ZNF362: variants seen among roughly 807,000 people sequenced by gnomAD.
ZNF362 encodes zinc finger protein 362.
ZNF362 carries 11 observed loss-of-function variants against 42.9 expected under a neutral mutation model. That is an observed-to-expected ratio of 0.26 (90% confidence interval 0.16 to 0.42). The LOEUF is 0.42. Ranked by LOEUF, ZNF362 falls within the 20% of genes least tolerant of loss-of-function variation. The pLI, the probability that ZNF362 is intolerant of heterozygous loss-of-function variation, is 1.00. For synonymous variants in ZNF362, 255 were observed against 257.3 expected (o/e 0.99, Z 0.09); for missense variants, 362 against 576.2 (o/e 0.63, Z 3.81).
At chr1:33,176,304 C>T in the ZNF362 span, 29 of 587,712 alleles carry the variant, frequency 4.9e-5, no homozygotes, top group Non-Finnish European at 8.0e-5. Context: ...GGGTGTCACC[C>T]CCTCTCCTGG....
chr1:33,214,353 G>A, the ZNF362 span, among the ~76,000 whole-genome samples: 15 of 152,152 alleles, frequency 9.9e-5, no homozygotes, highest in African/African-American at 3.6e-4. Context: ...AGTAAGAATG[G>A]ATTAAAGACT....
chr1:33,253,437 G>T (rs1373422131), upstream of ZNF362, among the ~76,000 whole-genome samples: 1 of 151,394 alleles, frequency 6.6e-6, no homozygotes, highest in Non-Finnish European at 1.5e-5. Flanking sequence ...AGGCGAAAGG[G>T]CAAGGGAGGG....
At chr1:33,228,081 G>A in the ZNF362 span, among the ~76,000 whole-genome samples, 46 of 152,140 alleles carry the variant, frequency 3.0e-4, no homozygotes, top group South Asian at 2.1e-3. Context: ...CTTTTGCCCA[G>A]CCCTCTCTTC....
chr1:33,162,365 A>G, the ZNF362 span, among the ~76,000 whole-genome samples: 1 of 152,226 alleles, frequency 6.6e-6, no homozygotes, highest in Admixed American at 6.5e-5. Context: ...CCTAGCTTGA[A>G]AGTGACCTCT....
chr1:33,263,889 G>C (rs1439587857), intron 1 of ZNF362, among the ~76,000 whole-genome samples: 1 of 152,176 alleles, frequency 6.6e-6, no homozygotes, highest in African/African-American at 2.4e-5. Flanking sequence ...TGAGTCTGGT[G>C]GGGCCTGTAG....
At chr1:33,147,666 G>A in the ZNF362 span, 6 of 1,613,794 alleles carry the variant, frequency 3.7e-6, no homozygotes, top group South Asian at 5.5e-5. This position sits in a 1 kb window ranked among gnomAD's most constrained non-coding sequence, Gnocchi z 8.1. Context: ...CAATGGTGCA[G>A]TCGTCCGACA....
chr1:33,200,886 T>G, the ZNF362 span, among the ~76,000 whole-genome samples: 1 of 152,178 alleles, frequency 6.6e-6, no homozygotes, highest in African/African-American at 2.4e-5. Flanking sequence ...CCTAATCTAC[T>G]ATGACTGGTG....
the ZNF362 span, among the ~76,000 whole-genome samples, chr1:33,132,044 G>A: frequency 6.6e-6 from 1 of 152,198 alleles, no homozygotes; most frequent in Non-Finnish European, 1.5e-5. Flanking sequence ...AGGCATTAAT[G>A]TGACCGGGCT....
the ZNF362 span, among the ~76,000 whole-genome samples, chr1:33,182,990 A>C: frequency 6.6e-6 from 1 of 152,178 alleles, no homozygotes; most frequent in African/African-American, 2.4e-5. Context: ...GAGCTTTTCC[A>C]ATGTGTCTGC....
chr1:33,174,945 G>GTATATATATATATATA, the ZNF362 span, among the ~76,000 whole-genome samples: 9 of 141,752 alleles, frequency 6.3e-5, no homozygotes, highest in East Asian at 1.7e-3. Context: ...ATATATGTGT[G>GTATATATATATATATA]TATATATATA....
the ZNF362 span, among the ~76,000 whole-genome samples, chr1:33,187,597 G>T: frequency 2.6e-5 from 4 of 152,132 alleles, no homozygotes; most frequent in South Asian, 4.2e-4. Context: ...CCCCTCACCT[G>T]GTCCAGCAGG....
the ZNF362 span, among the ~76,000 whole-genome samples, chr1:33,243,155 T>TATGTC: frequency 3.2e-3 from 487 of 151,632 alleles, 5 homozygotes; most frequent in African/African-American, 0.01. Context: ...TATGTTATGT[T>TATGTC]ATGTTGTTAT....
At chr1:33,228,304 G>A in the ZNF362 span, among the ~76,000 whole-genome samples, 1 of 152,034 alleles carries the variant, frequency 6.6e-6, no homozygotes, top group African/African-American at 2.4e-5. Flanking sequence ...CCCTTGCTAT[G>A]CTCACTCCTA....
In ZNF362 at chr1:33,288,297, A is replaced by C. The variant is rs957237161; in HGVS notation, c.908+6486A>C. On this transcript the variant is annotated intron_variant, in intron 6 of 8. Coordinates refer to ENST00000539719, the MANE Select transcript of ZNF362 (RefSeq NM_152493.3). ...AGGAAGGGCTGGGGCATCAGGCTGCAGAAGAAGCACTTGGGGATGGCAGTG... is the reference window on the plus strand; with the variant it reads ...AGGAAGGGCTGGGGCATCAGGCTGCCGAAGAAGCACTTGGGGATGGCAGTG... 7.2e-5 allele frequency among the ~76,000 whole-genome samples: 11 copies of C among 152,176 alleles called. 1 individual carries two copies. Among genetic ancestry groups the C allele is most frequent in the Admixed American group, 6.5e-5 (1 of 15,276 alleles).
chr1:33,168,686 A>G, the ZNF362 span, among the ~76,000 whole-genome samples: 1 of 152,252 alleles, frequency 6.6e-6, no homozygotes, highest in South Asian at 2.1e-4. Context: ...GAGCGGATAC[A>G]GTCCTCGGAG....
At chr1:33,179,929 T>C in the ZNF362 span, among the ~76,000 whole-genome samples, 4 of 152,196 alleles carry the variant, frequency 2.6e-5, no homozygotes, top group Non-Finnish European at 5.9e-5. Context: ...GTATAAAAAA[T>C]ATACTATATT....
chr1:33,170,968 G>A, the ZNF362 span, among the ~76,000 whole-genome samples: 1 of 152,170 alleles, frequency 6.6e-6, no homozygotes, highest in African/African-American at 2.4e-5. Flanking sequence ...TCCCGTATGC[G>A]GCTCCCTAGT....
chr1:33,190,416 A>T, the ZNF362 span, among the ~76,000 whole-genome samples: 2 of 152,144 alleles, frequency 1.3e-5, no homozygotes, highest in South Asian at 4.1e-4. Flanking sequence ...CACCATTAAG[A>T]AACAGTAGGA....
chr1:33,240,115 T>TA, the ZNF362 span, among the ~76,000 whole-genome samples: 7 of 152,292 alleles, frequency 4.6e-5, no homozygotes, highest in East Asian at 1.2e-3. Flanking sequence ...AGTGTGGTCT[T>TA]AGAGTATCTC....
Sources: gnomAD v4.1 joint callset for allele counts (sites outside exome capture counted in the v4.1 genomes callset) on GRCh38, gnomAD v4.1.1 for gene constraint, Gnocchi (gnomAD v3.1) non-coding constraint, MANE v1.5 for transcripts, NCBI Gene and HGNC (gene_info 2026-07-23, HGNC 2026-07-21) for gene names.